Variants in ARHGEF3 observed in about 807,000 individuals in gnomAD.
ARHGEF3 encodes 59.8 kDA protein.
A neutral mutation model predicts 63.2 loss-of-function variants in ARHGEF3; 28 were observed. That is an observed-to-expected ratio of 0.44 (90% confidence interval 0.33 to 0.61). The LOEUF (loss-of-function observed/expected upper bound fraction) is 0.61, where lower values mean the gene tolerates loss of function less well. ARHGEF3 is among the 20% of genes least tolerant of loss of function. The pLI is 0.03. For synonymous variants in ARHGEF3, 266 were observed against 254.2 expected, an observed-to-expected ratio of 1.05 and a Z score of -0.44; for missense variants, 533 against 659.3, an observed-to-expected ratio of 0.81 and a Z score of 2.10.
In ARHGEF3 at chr3:56,982,164, T is replaced by G. The variant is rs1701350844; in HGVS notation, c.63-23275A>C. Reference sequence around the variant, plus strand: ...AGCAAGAGACCAAGAGAGAGAAGGCTCCTAATGACACAGATTAACCACCTG... The same window carrying G: ...AGCAAGAGACCAAGAGAGAGAAGGCGCCTAATGACACAGATTAACCACCTG... On this transcript the variant is annotated intron_variant, in intron 2 of 12. Coordinates refer to the ARHGEF3 transcript ENST00000338458. Among the ~76,000 whole-genome samples, 3 of 151,674 alleles carry G rather than the reference T, an allele frequency of 2.0e-5. No individual in the cohort carries two copies. The East Asian group carries it at 5.8e-4, about 29-fold the overall frequency.
intron 6 of ARHGEF3, among the ~76,000 whole-genome samples, chr3:56,750,525 T>G (rs908254259): frequency 2.0e-5 from 3 of 152,160 alleles, no homozygotes; most frequent in African/African-American, 7.2e-5. Flanking sequence ...ATTATCTTGT[T>G]TATAAAACTA....
intron 4 of ARHGEF3, among the ~76,000 whole-genome samples, chr3:56,868,622 A>G (rs1319663802): frequency 1.3e-5 from 2 of 152,096 alleles, no homozygotes; most frequent in African/African-American, 4.8e-5. Context: ...CTCAGCCTCC[A>G]AAAGTGCTGG....
At chr3:57,009,035 GA>G (rs1702578822) in intron 2 of ARHGEF3, among the ~76,000 whole-genome samples, 1 of 152,196 alleles carries the variant, frequency 6.6e-6, no homozygotes, top group Non-Finnish European at 1.5e-5. Flanking sequence ...TTCTCAACAG[GA>G]GGCAGGAACC....
chr3:56,765,406 T>C (rs906673637), intron 2 of ARHGEF3, among the ~76,000 whole-genome samples: 1 of 152,158 alleles, frequency 6.6e-6, no homozygotes, highest in Non-Finnish European at 1.5e-5. Context: ...GTCTGGTTTC[T>C]GGTTGCTTTC....
intron 6 of ARHGEF3, among the ~76,000 whole-genome samples, chr3:56,746,057 C>T (rs2034366018): frequency 6.6e-6 from 1 of 152,230 alleles, no homozygotes; most frequent in Non-Finnish European, 1.5e-5. Context: ...TCTGACACAT[C>T]CCATCAGTCA....
At chr3:56,931,063 A>G (rs1224210174) in intron 3 of ARHGEF3, among the ~76,000 whole-genome samples, 2 of 152,212 alleles carry the variant, frequency 1.3e-5, no homozygotes, top group Non-Finnish European at 2.9e-5. Flanking sequence ...TGTTTCAAGA[A>G]CAGCAAATCC....
chr3:56,784,466 T>C (rs1435512025), intron 1 of ARHGEF3, among the ~76,000 whole-genome samples: 12 of 152,196 alleles, frequency 7.9e-5, no homozygotes, highest in Admixed American at 5.9e-4. Context: ...AGAAAAGATC[T>C]CCTGGTCACA....
At position 56,941,257 on chromosome 3, in the gene ARHGEF3, G is replaced by A. The variant is rs375093104; in HGVS notation, c.129+17566C>T. The stretch of plus-strand genomic sequence containing the variant: ...GAGTCTCGCTCTGTCGCATAGGCTG[G>A]AGTGCACTGGCATGATCTTGGCTCA... On this transcript the variant is annotated intron_variant, in intron 3 of 12. Coordinates refer to the ARHGEF3 transcript ENST00000338458. 3.6e-4 allele frequency among the ~76,000 whole-genome samples: 55 copies of A among 152,364 alleles called. No individual in the cohort carries two copies. The South Asian group carries it at 0.011, about 32-fold the overall frequency.
chr3:56,989,125 T>C (rs72872140), intron 2 of ARHGEF3, among the ~76,000 whole-genome samples: 1,856 of 152,336 alleles, frequency 0.012, 26 homozygotes, highest in African/African-American at 0.027. Flanking sequence ...ACTTCGTCCA[T>C]GCCTCCCGGA....
At chr3:57,042,168 T>C (rs6445846) in intron 1 of ARHGEF3, among the ~76,000 whole-genome samples, 116,224 of 152,026 alleles carry the variant, frequency 0.76, 44,808 homozygotes, top group East Asian at 0.94. Flanking sequence ...AAAGTTCCTA[T>C]GCCCCAGGAG....
At chr3:57,051,450 G>A (rs550609574) in intron 1 of ARHGEF3, among the ~76,000 whole-genome samples, 14 of 152,140 alleles carry the variant, frequency 9.2e-5, no homozygotes, top group Middle Eastern at 6.8e-3. Context: ...TTGCGCCACT[G>A]CATTCCAGCC....
chr3:56,856,720 T>A (rs1187185579), intron 4 of ARHGEF3, among the ~76,000 whole-genome samples: 2 of 144,748 alleles, frequency 1.4e-5, no homozygotes, highest in Non-Finnish European at 3.1e-5. Context: ...TTTTTTTTTT[T>A]AACTTCATAG....
At chr3:56,828,145 G>T (rs539994702) in intron 4 of ARHGEF3, among the ~76,000 whole-genome samples, 1 of 152,184 alleles carries the variant, frequency 6.6e-6, no homozygotes, top group East Asian at 1.9e-4. Context: ...TACAGATGAG[G>T]AAACTGAGAC....
chr3:56,769,038 G>A lies in ARHGEF3; in HGVS notation c.204+4671C>T, dbSNP rs112088275. ...GAAACTGGTAAACTATTAATGGATT[G>A]TTTTGGAGTTGGAAGACTATACATG... On this transcript the variant is annotated intron_variant, in intron 2 of 9. Transcript: ENST00000296315. 9.9e-3 allele frequency among the ~76,000 whole-genome samples: 1,507 copies of A among 152,330 alleles called. 36 individuals are homozygous for A. The highest frequency in any genetic ancestry group is 0.034 in the African/African-American group (1,412 of 41,560).
intron 4 of ARHGEF3, among the ~76,000 whole-genome samples, chr3:56,839,739 G>A (rs1294916891): frequency 6.6e-6 from 1 of 152,090 alleles, no homozygotes; most frequent in African/African-American, 2.4e-5. Flanking sequence ...ATTTGGTCTG[G>A]TTGCATCAAA....
chr3:56,806,043 AT>A (rs914817322), upstream of ARHGEF3, among the ~76,000 whole-genome samples: 7 of 151,170 alleles, frequency 4.6e-5, no homozygotes, highest in African/African-American at 7.3e-5. Flanking sequence ...TTTCAGGAGT[AT>A]TTTTTTTTAA....
intron 1 of ARHGEF3, among the ~76,000 whole-genome samples, chr3:56,774,822 G>T (rs993533322): frequency 9.2e-5 from 14 of 152,080 alleles, no homozygotes; most frequent in Admixed American, 8.5e-4. Flanking sequence ...AACCTGGGAG[G>T]TGGAGGTTCC....
chr3:57,020,152 C>A (rs892681719), intron 2 of ARHGEF3, among the ~76,000 whole-genome samples: 4 of 152,190 alleles, frequency 2.6e-5, no homozygotes, highest in African/African-American at 7.2e-5. Context: ...CCTGCCTTGG[C>A]CTTCCCAAGG....
intron 8 of ARHGEF3, among the ~76,000 whole-genome samples, chr3:56,732,914 G>A (rs2033278594): frequency 6.6e-6 from 1 of 152,206 alleles, no homozygotes; most frequent in Non-Finnish European, 1.5e-5. Context: ...TTGGGAGGCT[G>A]AAGTGGGCGG....
Sources: gnomAD v4.1 joint callset for allele counts (sites outside exome capture counted in the v4.1 genomes callset) on GRCh38, gnomAD v4.1.1 for gene constraint, MANE v1.5 for transcripts, NCBI Gene and HGNC (gene_info 2026-07-23, HGNC 2026-07-21) for gene names.